CRTAM: variants seen among roughly 807,000 people sequenced by gnomAD.
CRTAM encodes the protein cytotoxic and regulatory T-cell molecule.
In CRTAM, 44 loss-of-function variants were observed where a neutral mutation model predicts 50.0. That is an observed-to-expected ratio of 0.88 (90% CI 0.69 to 1.13). CRTAM has a LOEUF of 1.13. Ranked by LOEUF, CRTAM falls within the 50% of genes most tolerant of loss-of-function variation. CRTAM has a pLI of 0.00. For synonymous variants in CRTAM, 159 were observed against 169.3 expected (o/e 0.94, Z 0.47); for missense variants, 448 against 457.5 (o/e 0.98, Z 0.19).
intron 2 of CRTAM, 52 bp from the exon 3 acceptor site, chr11:122,851,641 A>G: frequency 1.3e-6 from 2 of 1,582,646 alleles, no homozygotes; most frequent in Non-Finnish European, 8.7e-7. Flanking sequence ...GTAGAGGCCA[A>G]CGATTCATCG....
chr11:122,871,003 C>CGGGAGGCTGA (rs963968450), intron 9 of CRTAM, among the ~76,000 whole-genome samples: 1 of 151,732 alleles, frequency 6.6e-6, no homozygotes, highest in African/African-American at 2.4e-5. Flanking sequence ...CACTTGAGCC[C>CGGGAGGCTGA]GGGAGGCTGA....
Position 122,858,248 on chromosome 11 carries a change from A to G in CRTAM, c.652+2392A>G, listed in dbSNP as rs572617985. On this transcript the variant is annotated intron_variant, in intron 5 of 9. Transcript: ENST00000227348. ...TCATTTATTTATTTCTTTTCTTGAG[A>G]CGGTCTCACTCTGTTGCCCAGGCTG... Among the ~76,000 whole-genome samples, 5 of 152,028 alleles carry G rather than the reference A, an allele frequency of 3.3e-5. No homozygotes were observed. In the East Asian group the frequency reaches 7.7e-4, roughly 24 times the overall value.
At chr11:122,855,578 G>T in intron 4 of CRTAM, 117 bp from the exon 5 acceptor site, 1 of 816,936 alleles carries the variant, frequency 1.2e-6, no homozygotes, top group Non-Finnish European at 1.9e-6. Flanking sequence ...ACTGGCTGAG[G>T]TTAGAATGAG....
At chr11:122,840,091 G>A (rs1368866307) in intron 1 of CRTAM, among the ~76,000 whole-genome samples, 1 of 151,988 alleles carries the variant, frequency 6.6e-6, no homozygotes, top group African/African-American at 2.4e-5. Flanking sequence ...AACTTTTTCA[G>A]GCTTTGAGTT....
rs1032450342 is a variant in CRTAM at position 122,871,804 on chromosome 11, T to C, written c.*405T>C. The C allele has an allele frequency of 2.0e-5, 3 of 152,400 alleles. No homozygotes were observed. The highest frequency in any genetic ancestry group is 7.2e-5 in the African/African-American group (3 of 41,406). 9.4% of individuals were successfully genotyped at this position (152,400 alleles called of 1,614,324 possible). A position where few individuals can be genotyped will look rare whatever the true frequency, so the allele number is the denominator to read the frequency against. On this transcript the variant is annotated 3_prime_UTR_variant, in exon 10 of 10. Coordinates refer to ENST00000227348, the MANE Select transcript of CRTAM (RefSeq NM_019604.4). ...TTCTTCTGGTCACAAAATAAAGAAATTTGGGATGCAAAGTACCTAAAGATC... is the reference window on the plus strand; with the variant it reads ...TTCTTCTGGTCACAAAATAAAGAAACTTGGGATGCAAAGTACCTAAAGATC...
intron 1 of CRTAM, among the ~76,000 whole-genome samples, chr11:122,840,564 G>T (rs1427441018): frequency 1.3e-5 from 2 of 152,098 alleles, no homozygotes; most frequent in Non-Finnish European, 2.9e-5. Flanking sequence ...CCACCCGAGG[G>T]CATCTAAGCT....
chr11:122,851,622 A>G (rs1380216497), intron 2 of CRTAM, 71 bp from the exon 3 acceptor site: 23 of 1,380,120 alleles, frequency 1.7e-5, no homozygotes, highest in Non-Finnish European at 2.4e-5. Context: ...TGCTTCTGGC[A>G]TCTACTGGGT....
rs548050781 is a variant in CRTAM at position 122,851,605 on chromosome 11, G to A, written c.194-88G>A. 115 of 1,138,382 alleles carry A rather than the reference G, an allele frequency of 1.0e-4. 1 individual carries two copies. In the African/African-American group the frequency reaches 1.5e-3, roughly 15 times the overall value. 70.5% of individuals were successfully genotyped at this position (1,138,382 alleles called of 1,614,324 possible). On this transcript the variant is annotated intron_variant, in intron 2 of 9. Transcript: ENST00000227348. Reference sequence around the variant, plus strand: ...TTTGATTGTGCCAAATGTAGAAAGCGGGGCAGTGCTTCTGGCATCTACTGG... The same window carrying A: ...TTTGATTGTGCCAAATGTAGAAAGCAGGGCAGTGCTTCTGGCATCTACTGG...
intron 6 of CRTAM, among the ~76,000 whole-genome samples, chr11:122,863,298 GAGAGAAAGA>G (rs1158258119): frequency 2.2e-4 from 31 of 141,026 alleles, no homozygotes; most frequent in African/African-American, 8.2e-4. Flanking sequence ...AAGAAAGAAA[GAGAGAAAGA>G]AAAGAAAGAA....
intron 1 of CRTAM, among the ~76,000 whole-genome samples, chr11:122,847,259 G>GT (rs1364586649): frequency 6.6e-6 from 1 of 152,154 alleles, no homozygotes; most frequent in Non-Finnish European, 1.5e-5. Context: ...GTGTGCGTGT[G>GT]TGTTACCATT....
At chr11:122,860,365 T>C (rs1565291368) in intron 5 of CRTAM, among the ~76,000 whole-genome samples, 1 of 152,158 alleles carries the variant, frequency 6.6e-6, no homozygotes, top group Non-Finnish European at 1.5e-5. Context: ...TTTTAATATA[T>C]TTTCATTTTA....
chr11:122,871,473 G>A lies in CRTAM; in HGVS notation c.*74G>A. The stretch of plus-strand genomic sequence containing the variant: ...TCAGTGGACCAGCCTGGGGGAAGGA[G>A]CTTAATTGCTGAGACATTAATAATG... On this transcript the variant is annotated 3_prime_UTR_variant, in exon 10 of 10. Transcript: ENST00000227348. 1 of 1,339,186 alleles carries A rather than the reference G, an allele frequency of 7.5e-7. No individual in the cohort carries two copies. 83.0% of individuals were successfully genotyped at this position (1,339,186 alleles called of 1,614,324 possible).
At chr11:122,851,391 G>GA (rs1296373620) in intron 2 of CRTAM, among the ~76,000 whole-genome samples, 6 of 152,060 alleles carry the variant, frequency 3.9e-5, no homozygotes, top group African/African-American at 1.4e-4. Context: ...AGTTCTGAGA[G>GA]AAAAAAATTT....
rs752554712 is a variant in CRTAM at position 122,867,530 on chromosome 11, G to A, written c.939G>A (p.Arg313=). Residue 313 remains arginine (R), a synonymous_variant, in exon 8 of 10, where the codon AGG becomes AGA. Coordinates refer to ENST00000227348, the MANE Select transcript of CRTAM (RefSeq NM_019604.4). ...IIVQLFIMKL[R]KAHVIWKKEN... ...TCCAGCTCTTCATCATGAAGCTGAG[G>A]AAAGCACATGTGATATGGAAGAAAG... The A allele has an allele frequency of 2.5e-6, 4 of 1,613,912 alleles. No homozygotes were observed. The Admixed American group carries it at 6.7e-5, about 27-fold the overall frequency.
intron 7 of CRTAM, 106 bp from the exon 8 acceptor site, chr11:122,867,299 GCTGT>G: frequency 1.1e-6 from 1 of 906,468 alleles, no homozygotes; most frequent in Non-Finnish European, 1.6e-6. Flanking sequence ...CTTCATCTGA[GCTGT>G]CTATTAGCTT....
At position 122,871,581 on chromosome 11, in the gene CRTAM, C is replaced by A; in HGVS notation, c.*182C>A. The A allele has an allele frequency of 2.3e-6, 1 of 434,050 alleles. No individual in the cohort carries two copies. 26.9% of individuals were successfully genotyped at this position (434,050 alleles called of 1,614,324 possible). A position where few individuals can be genotyped will look rare whatever the true frequency, so the allele number is the denominator to read the frequency against. Reference sequence around the variant, plus strand: ...GCAGCAACATGAGGACCAAACCATGCACATAAAGCTTGTAGTTTAAAAAAG... The same window carrying A: ...GCAGCAACATGAGGACCAAACCATGAACATAAAGCTTGTAGTTTAAAAAAG... On this transcript the variant is annotated 3_prime_UTR_variant, in exon 10 of 10. Coordinates refer to ENST00000227348, the MANE Select transcript of CRTAM (RefSeq NM_019604.4).
intron 2 of CRTAM, among the ~76,000 whole-genome samples, chr11:122,850,418 C>A (rs983512375): frequency 1.3e-5 from 2 of 152,156 alleles, no homozygotes; most frequent in African/African-American, 4.8e-5. Flanking sequence ...GAAATGGAAA[C>A]CCCACCAGAA....
At position 122,871,078 on chromosome 11, in the gene CRTAM, CA is replaced by C. The variant is rs199521308; in HGVS notation, c.1052-182del. On this transcript the variant is annotated intron_variant, in intron 9 of 9. Transcript: ENST00000227348. ...TGGGTGGCAGAGTGAGAACCTGTCTCAAAAAAAAACCACGAAAAACAAAAAA... is the reference window on the plus strand; with the variant it reads ...TGGGTGGCAGAGTGAGAACCTGTCTCAAAAAAAACCACGAAAAACAAAAAA... 4.0e-5 allele frequency among the ~76,000 whole-genome samples: 6 copies of C among 149,616 alleles called. No homozygotes were observed. In the East Asian group the frequency reaches 5.9e-4, roughly 15 times the overall value.
intron 1 of CRTAM, among the ~76,000 whole-genome samples, chr11:122,846,453 G>A (rs1371286731): frequency 1.3e-5 from 2 of 151,892 alleles, no homozygotes; most frequent in Non-Finnish European, 2.9e-5. Context: ...GATTACAGGT[G>A]CCCACCACCA....
Sources: gnomAD v4.1 joint callset for allele counts (sites outside exome capture counted in the v4.1 genomes callset) on GRCh38, gnomAD v4.1.1 for gene constraint, MANE v1.5 for transcripts, NCBI Gene and HGNC (gene_info 2026-07-23, HGNC 2026-07-21) for gene names.